Variants in LRRTM4 observed in about 807,000 individuals in gnomAD.
LRRTM4 encodes the protein leucine rich repeat transmembrane neuronal 4, also known as leucine-rich repeat transmembrane neuronal protein 4.
In LRRTM4, 25 loss-of-function variants were observed where a neutral mutation model predicts 47.6. That is an observed-to-expected ratio of 0.53 (90% CI 0.38 to 0.73). The LOEUF (loss-of-function observed/expected upper bound fraction) is 0.73, where lower values mean the gene tolerates loss of function less well. Ranked by LOEUF, LRRTM4 falls within the 30% of genes least tolerant of loss-of-function variation. LRRTM4 has a pLI of 0.00. For synonymous variants in LRRTM4, 311 were observed against 269.5 expected, an observed-to-expected ratio of 1.15 and a Z score of -1.51; for missense variants, 638 against 713.4, an observed-to-expected ratio of 0.89 and a Z score of 1.20.
rs192591911 is a variant in LRRTM4, at chr2:77,256,849, G to A, written c.1551+261469C>T. On this transcript the variant is annotated intron_variant, in intron 3 of 3. Coordinates refer to ENST00000409884, the MANE Select transcript of LRRTM4 (RefSeq NM_001134745.3). ...CATAGGGAAGGAAGGAAGAAAGAGA[G>A]GAAGGGAGGGAGGGAGGGAACCAAA... Among the ~76,000 whole-genome samples, 882 of 151,934 alleles carry A rather than the reference G, an allele frequency of 5.8e-3. 7 individuals are homozygous for A. Among genetic ancestry groups the A allele is most frequent in the African/African-American group, 0.02 (836 of 41,486 alleles).
At chr2:77,140,412 G>A (rs1672087504) in intron 3 of LRRTM4, among the ~76,000 whole-genome samples, 1 of 152,122 alleles carries the variant, frequency 6.6e-6, no homozygotes. Context: ...TGGGAAAACT[G>A]GCTAGCCATA....
At chr2:77,137,986 A>T (rs1671999582) in intron 3 of LRRTM4, among the ~76,000 whole-genome samples, 1 of 152,134 alleles carries the variant, frequency 6.6e-6, no homozygotes, top group Non-Finnish European at 1.5e-5. Context: ...AAGTCCTTAG[A>T]GAACTACCAA....
At chr2:76,926,858 T>C (rs954300190) in intron 3 of LRRTM4, among the ~76,000 whole-genome samples, 2 of 152,136 alleles carry the variant, frequency 1.3e-5, no homozygotes, top group African/African-American at 4.8e-5. Context: ...ACTGTCTGCA[T>C]GTACATACTA....
At position 76,966,217 on chromosome 2, in the gene LRRTM4, A is replaced by G. The variant is rs906795949; in HGVS notation, c.1552-217301T>C. On this transcript the variant is annotated intron_variant, in intron 3 of 3. Transcript: ENST00000409884. ...TTGCAAACAAAAAGAAAAGTGAAAG[A>G]GGAAGAAAAGAAATGGAGGGGAGGA... Among the ~76,000 whole-genome samples, 17 of 151,626 alleles carry G rather than the reference A, an allele frequency of 1.1e-4. 2 individuals carry two copies. In the Admixed American group the frequency reaches 1.1e-3, roughly 10 times the overall value.
intron 3 of LRRTM4, among the ~76,000 whole-genome samples, chr2:76,946,050 G>A (rs1300841078): frequency 6.6e-6 from 1 of 151,504 alleles, no homozygotes; most frequent in African/African-American, 2.4e-5. Flanking sequence ...ATTTTGCCAA[G>A]TTTCATACAC....
chr2:77,266,628 C>G (rs994692735), intron 3 of LRRTM4, among the ~76,000 whole-genome samples: 1 of 151,976 alleles, frequency 6.6e-6, no homozygotes, highest in Non-Finnish European at 1.5e-5. Flanking sequence ...CCTATTAGTC[C>G]CACCAATCAC....
chr2:76,998,213 C>T (rs1677272649), intron 3 of LRRTM4, among the ~76,000 whole-genome samples: 1 of 152,056 alleles, frequency 6.6e-6, no homozygotes, highest in Middle Eastern at 3.2e-3. Context: ...TTGGGGACTG[C>T]TGATCTATGG....
At chr2:76,973,977 A>G (rs1573389020) in intron 3 of LRRTM4, among the ~76,000 whole-genome samples, 1 of 151,648 alleles carries the variant, frequency 6.6e-6, no homozygotes, top group South Asian at 2.1e-4. Context: ...CACATTTTCA[A>G]GATGGAGCCT....
At chr2:77,460,238 T>A (rs764721102) in intron 3 of LRRTM4, among the ~76,000 whole-genome samples, 1 of 152,148 alleles carries the variant, frequency 6.6e-6, no homozygotes, top group African/African-American at 2.4e-5. Flanking sequence ...CTGCTTCTCA[T>A]GCCAGAGACA....
intron 3 of LRRTM4, among the ~76,000 whole-genome samples, chr2:76,999,962 G>T (rs143638727): frequency 1.6e-4 from 25 of 152,204 alleles, no homozygotes; most frequent in African/African-American, 5.5e-4. Context: ...ACTATGGAAA[G>T]AATGAAACAG....
chr2:77,089,665 A>T (rs1220410647), intron 3 of LRRTM4, among the ~76,000 whole-genome samples: 3 of 147,924 alleles, frequency 2.0e-5, no homozygotes, highest in South Asian at 2.2e-4. Flanking sequence ...TCCTCCTTCT[A>T]CTCCCCTGGC....
chr2:77,074,427 G>A (rs1680265884), intron 3 of LRRTM4, among the ~76,000 whole-genome samples: 1 of 152,032 alleles, frequency 6.6e-6, no homozygotes, highest in Non-Finnish European at 1.5e-5. Flanking sequence ...TTAGGAATTA[G>A]TAGTAGTAAG....
At chr2:77,200,736 G>T (rs1397405534) in intron 3 of LRRTM4, among the ~76,000 whole-genome samples, 1 of 152,066 alleles carries the variant, frequency 6.6e-6, no homozygotes, top group Non-Finnish European at 1.5e-5. Flanking sequence ...TGTAGAATGA[G>T]GGAGTTTGAA....
At chr2:77,399,303 C>T (rs1352264541) in intron 3 of LRRTM4, among the ~76,000 whole-genome samples, 1 of 151,682 alleles carries the variant, frequency 6.6e-6, no homozygotes, top group African/African-American at 2.4e-5. Context: ...AGCTAATTCA[C>T]ATATGCATTA....
At chr2:77,015,183 C>A (rs373266797) in intron 3 of LRRTM4, among the ~76,000 whole-genome samples, 3 of 152,256 alleles carry the variant, frequency 2.0e-5, no homozygotes, top group South Asian at 2.1e-4. Flanking sequence ...GTCAACCCTT[C>A]TGGATGGCCT....
chr2:77,241,303 G>A (rs552194546), intron 3 of LRRTM4, among the ~76,000 whole-genome samples: 1 of 151,762 alleles, frequency 6.6e-6, no homozygotes, highest in Non-Finnish European at 1.5e-5. Context: ...ATCGCACAAA[G>A]GTATTTGAAT....
chr2:77,032,377 C>T (rs886544018), intron 3 of LRRTM4, among the ~76,000 whole-genome samples: 8 of 152,088 alleles, frequency 5.3e-5, no homozygotes, highest in African/African-American at 1.9e-4. Flanking sequence ...CTGTTTTCCT[C>T]ACAGCATTTA....
chr2:77,140,380 T>C (rs1333824819), intron 3 of LRRTM4, among the ~76,000 whole-genome samples: 1 of 152,144 alleles, frequency 6.6e-6, no homozygotes, highest in Non-Finnish European at 1.5e-5. Flanking sequence ...GGGAAAAGGA[T>C]TCCCTAATTA....
chr2:77,138,716 A>G (rs973332636), intron 3 of LRRTM4, among the ~76,000 whole-genome samples: 1 of 152,188 alleles, frequency 6.6e-6, no homozygotes, highest in Non-Finnish European at 1.5e-5. Flanking sequence ...CAAAATTGAT[A>G]GACCACTAGC....
Sources: allele counts gnomAD v4.1 joint callset (sites outside exome capture counted in the v4.1 genomes callset), GRCh38; gene constraint gnomAD v4.1.1; transcripts MANE v1.5; gene names NCBI Gene and HGNC (gene_info 2026-07-23, HGNC 2026-07-21).